The following ADAM15 variants were observed in gnomAD, a reference collection of about 807,000 sequenced individuals.
ADAM15 encodes ADAM metallopeptidase domain 15.
A neutral mutation model predicts 113.8 loss-of-function variants in ADAM15; 77 were observed. The observed-to-expected ratio is 0.68, with a 90% CI of 0.56 to 0.82. ADAM15 has a LOEUF of 0.82. Among genes scored for constraint, ADAM15 ranks in the 40% least tolerant of loss-of-function variants. The pLI is 0.00. For missense variants in ADAM15, 963 were observed against 1,120.1 expected, an observed-to-expected ratio of 0.86 and a Z score of 2.00; for synonymous variants, 388 against 454.1, an observed-to-expected ratio of 0.85 and a Z score of 1.85.
Position 155,056,259 on chromosome 1 carries a change from C to A in ADAM15, c.914+10C>A. 2 of 1,613,682 alleles carry A rather than the reference C, an allele frequency of 1.2e-6. No homozygotes were observed. The highest frequency in any genetic ancestry group is 1.7e-6 in the Non-Finnish European group (2 of 1,179,954). On this transcript the variant is annotated intron_variant, in intron 9 of 22. Transcript: ENST00000356955. The surrounding 1 kb of genome is among the most constrained non-coding windows in gnomAD (Gnocchi z 4.0). ...GTGCCCAGCTGGTGACGTAAGGGCC[C>A]CAGACTCAGCCAGAGAGGCCAGTCC...
At position 155,053,512 on chromosome 1, in the gene ADAM15, A is replaced by G. The variant is rs916952101; in HGVS notation, c.263+19A>G. ...AGAATAGGTAATAGTGATGGTGGCA[A>G]TAACAGTGACCACATGGCCAACAAC... is the stretch of plus-strand genomic sequence containing the variant. On this transcript the variant is annotated intron_variant, in intron 3 of 22. Transcript: ENST00000356955. The G allele has an allele frequency of 3.1e-6, 5 of 1,613,528 alleles. No individual in the cohort carries two copies. The highest frequency in any genetic ancestry group is 2.2e-5 in the East Asian group (1 of 44,902).
At position 155,062,189 on chromosome 1, in the gene ADAM15, G is replaced by A; in HGVS notation, c.2425-56G>A. ...TGTTCCCCAGCACCAGTGCGTTGGGGGTGGGCAACATGACACCCCCCCACC... is the reference window on the plus strand; with the variant it reads ...TGTTCCCCAGCACCAGTGCGTTGGGAGTGGGCAACATGACACCCCCCCACC... On this transcript the variant is annotated intron_variant, in intron 21 of 22. Coordinates refer to ENST00000356955, the MANE Select transcript of ADAM15 (RefSeq NM_207197.3). The surrounding 1 kb of genome is among the most constrained non-coding windows in gnomAD (Gnocchi z 7.0). 1.4e-6 allele frequency: 2 copies of A among 1,446,514 alleles called. No individual in the cohort carries two copies. Among genetic ancestry groups the A allele is most frequent in the Non-Finnish European group, 1.8e-6 (2 of 1,096,956 alleles). The allele number at this position is 1,446,514 out of a possible 1,614,324, so 89.6% of individuals were successfully genotyped here. A position where few individuals can be genotyped will look rare whatever the true frequency, so the allele number is the denominator to read the frequency against.
Position 155,055,867 on chromosome 1 carries a change from C to T in ADAM15, c.675+15C>T, listed in dbSNP as rs747189135. On this transcript the variant is annotated intron_variant, in intron 7 of 22. Transcript: ENST00000356955. ...ATCACTCGGAGGTGAGCCTGCTGGC[C>T]CCTGCACATCCTCCTCCCCCTGCAC... 1.9e-6 allele frequency: 3 copies of T among 1,614,174 alleles called. No individual in the cohort carries two copies. The highest frequency in any genetic ancestry group is 2.5e-6 in the Non-Finnish European group (3 of 1,180,020).
At chr1:155,055,289 G>C (rs1352690413) in intron 6 of ADAM15, 1 of 155,300 alleles carries the variant, frequency 6.4e-6, no homozygotes, top group Non-Finnish European at 1.4e-5. Context: ...GCAGTGGCAT[G>C]ATCTCGGCTC....
At chr1:155,061,330 C>A in intron 19 of ADAM15, 85 bp from the exon 20 acceptor site, 1 of 1,008,848 alleles carries the variant, frequency 9.9e-7, no homozygotes, top group Non-Finnish European at 1.5e-6. Flanking sequence ...GCTGGCCCCC[C>A]CTGGGCACTG....
At chr1:155,054,538 G>T in intron 6 of ADAM15, 32 bp downstream of exon 6, 1 of 1,533,828 alleles carries the variant, frequency 6.5e-7, no homozygotes, top group South Asian at 1.3e-5. Context: ...GTGGGCTTTG[G>T]TTGTCTTGAG....
intron 2 of ADAM15, 127 bp downstream of exon 2, chr1:155,052,904 G>GC: frequency 2.4e-6 from 3 of 1,263,812 alleles, no homozygotes; most frequent in Non-Finnish European, 3.2e-6. Flanking sequence ...TCTATCCCAG[G>GC]CCCAGCTGCC....
chr1:155,061,050 G>A, intron 19 of ADAM15: 2 of 593,440 alleles, frequency 3.4e-6, no homozygotes, highest in South Asian at 4.2e-5. Flanking sequence ...TGGAGCAGGA[G>A]CTGCTGGGCT....
chr1:155,054,402 C>G lies in ADAM15; in HGVS notation c.508C>G (p.Gln170Glu). The change falls in exon 6 of 23, where the codon CAA becomes GAA. Residue 170 changes from glutamine to glutamate, a missense_variant. Physicochemically the swap from Gln to Glu is conservative, Grantham distance 29. Coordinates refer to ENST00000356955, the MANE Select transcript of ADAM15 (RefSeq NM_207197.3). ...GGGTCCTCCCATTATTTCGCGAATC[C>G]AAGATCTCCACCTGCCAGGCCACAC... The part of the protein sequence containing the change: ...LQGPPIISRI[Q>E]DLHLPGHTCA... 1 of 1,614,016 alleles carries G rather than the reference C, an allele frequency of 6.2e-7. No homozygotes were observed. The highest frequency in any genetic ancestry group is 8.5e-7 in the Non-Finnish European group (1 of 1,179,948).
chr1:155,061,096 A>C (rs11264305), intron 19 of ADAM15: 1 of 579,444 alleles, frequency 1.7e-6, no homozygotes, highest in Middle Eastern at 4.6e-4. Flanking sequence ...TGAGAGGTGG[A>C]TCTATCCATG....
At position 155,054,386 on chromosome 1, in the gene ADAM15, C is replaced by T. The variant is rs200453924; in HGVS notation, c.492C>T (p.Pro164=). 4.6e-4 allele frequency: 737 copies of T among 1,611,724 alleles called. 9 individuals are homozygous for T. The South Asian group carries it at 6.7e-3, about 15-fold the overall frequency. Residue 164 remains proline (P), a synonymous_variant, in exon 6 of 23, where the codon CCC becomes CCT. Transcript: ENST00000356955. ...EQGPGDLQGP[P]IISRIQDLHL... ...GGCCTGGGGACCTTCAGGGTCCTCC[C>T]ATTATTTCGCGAATCCAAGATCTCC... is the stretch of plus-strand genomic sequence containing the variant.
In ADAM15 at chr1:155,057,742, T is replaced by G. The variant is rs371206224; in HGVS notation, c.1416+13T>G. On this transcript the variant is annotated intron_variant, in intron 13 of 22. Transcript: ENST00000356955. This position sits in a 1 kb window ranked among gnomAD's most constrained non-coding sequence, Gnocchi z 5.0. The stretch of plus-strand genomic sequence containing the variant: ...TCAAAATTGCCAGGTGGGTAGAGAC[T>G]AGACTGGCCACCCGGAGCTCACCTG... The G allele has an allele frequency of 1.9e-5, 30 of 1,613,984 alleles. No individual in the cohort carries two copies. In the African/African-American group the frequency reaches 3.5e-4, roughly 19 times the overall value.
intron 1 of ADAM15, 56 bp downstream of exon 1, chr1:155,051,521 A>G: frequency 6.9e-7 from 1 of 1,453,526 alleles, no homozygotes. Context: ...GGTGCAGGAA[A>G]GTCGGAAGGC....
chr1:155,053,351 T>A, intron 2 of ADAM15, 66 bp from the exon 3 acceptor site: 1 of 1,483,646 alleles, frequency 6.7e-7, no homozygotes, highest in East Asian at 2.3e-5. Flanking sequence ...CCTGAGGTTT[T>A]CTGGTTAGAG....
Position 155,062,289 on chromosome 1 carries a change from T to G in ADAM15, c.2469T>G (p.Pro823=). ...AKPPPPRKPL[P]ADPQGRCPSG... ...CCCCACCCCCAAGGAAGCCACTGCCTGCCGACCCCCAGGGCCGGTGCCCAT... is the reference window on the plus strand; with the variant it reads ...CCCCACCCCCAAGGAAGCCACTGCCGGCCGACCCCCAGGGCCGGTGCCCAT... Residue 823 remains proline (P), a synonymous_variant, in exon 22 of 23, where the codon CCT becomes CCG. Coordinates refer to ENST00000356955, the MANE Select transcript of ADAM15 (RefSeq NM_207197.3). This position sits in a 1 kb window ranked among gnomAD's most constrained non-coding sequence, Gnocchi z 7.0. The G allele has an allele frequency of 1.4e-6, 2 of 1,474,288 alleles. No homozygotes were observed. The highest frequency in any genetic ancestry group is 1.8e-6 in the Non-Finnish European group (2 of 1,109,366). The allele number at this position is 1,474,288 out of a possible 1,614,324, so 91.3% of individuals were successfully genotyped here. A position where few individuals can be genotyped will look rare whatever the true frequency, so the allele number is the denominator to read the frequency against.
chr1:155,060,097 G>C (rs916992730), intron 17 of ADAM15, 108 bp from the exon 18 acceptor site: 1 of 1,573,574 alleles, frequency 6.4e-7, no homozygotes, highest in Non-Finnish European at 8.7e-7. Context: ...TGTGCCCCTT[G>C]AACCCTTCAC....
At position 155,057,636 on chromosome 1, in the gene ADAM15, G is replaced by A. The variant is rs111944397; in HGVS notation, c.1324-1G>A. The A allele has an allele frequency of 6.2e-7, 1 of 1,614,016 alleles. No homozygotes were observed. The highest frequency in any genetic ancestry group is 1.7e-5 in the Admixed American group (1 of 59,968). ...CCCGGCCCCCGTGCTCCTGCCCACA[G>A]GACTGCGTCGATCCCTGCTGTGATT... On this transcript the variant is annotated splice_acceptor_variant, in intron 12 of 22. Coordinates refer to ENST00000356955, the MANE Select transcript of ADAM15 (RefSeq NM_207197.3). LOFTEE classifies it high-confidence loss of function. The surrounding 1 kb of genome is among the most constrained non-coding windows in gnomAD (Gnocchi z 5.0).
intron 2 of ADAM15, among the ~76,000 whole-genome samples, chr1:155,053,177 G>A (rs1661326094): frequency 7.2e-6 from 1 of 139,440 alleles, no homozygotes; most frequent in African/African-American, 2.7e-5. Context: ...GGTCCTACAC[G>A]GTGCTTCCTC....
chr1:155,062,602 G>A lies in ADAM15; in HGVS notation c.*100G>A. 6.7e-7 allele frequency: 1 copy of A among 1,498,278 alleles called. No homozygotes were observed. The highest frequency in any genetic ancestry group is 1.4e-5 in the African/African-American group (1 of 71,916). The allele number at this position is 1,498,278 out of a possible 1,614,324, so 92.8% of individuals were successfully genotyped here. On this transcript the variant is annotated 3_prime_UTR_variant, in exon 23 of 23. Coordinates refer to ENST00000356955, the MANE Select transcript of ADAM15 (RefSeq NM_207197.3). The surrounding 1 kb of genome is among the most constrained non-coding windows in gnomAD (Gnocchi z 7.0). ...ACCATGACTGAAGGCGCCAGAGACTGGCGGTGTCTTAAGACTCCGGGCACC... is the reference window on the plus strand; with the variant it reads ...ACCATGACTGAAGGCGCCAGAGACTAGCGGTGTCTTAAGACTCCGGGCACC...
Sources: allele counts gnomAD v4.1 joint callset (sites outside exome capture counted in the v4.1 genomes callset), GRCh38; gene constraint gnomAD v4.1.1; non-coding constraint Gnocchi (gnomAD v3.1); transcripts MANE v1.5; gene names NCBI Gene and HGNC (gene_info 2026-07-23, HGNC 2026-07-21).